CAPN14: variants seen among roughly 807,000 people sequenced by gnomAD.
CAPN14 encodes the protein calpain-14.
Under a neutral mutation model 101.3 loss-of-function variants are expected in CAPN14, and 94 were observed. The observed-to-expected ratio is 0.93, with a 90% CI of 0.79 to 1.10. The LOEUF is 1.10. CAPN14 is among the 50% of genes least tolerant of loss of function. CAPN14 has a pLI of 0.00. For missense variants in CAPN14, 837 were observed against 828.4 expected, an observed-to-expected ratio of 1.01 and a Z score of -0.13; for synonymous variants, 338 against 317.9, an observed-to-expected ratio of 1.06 and a Z score of -0.67.
Position 31,199,464 on chromosome 2 carries a change from A to G in CAPN14, c.789+6T>C. 1 of 1,551,314 alleles carries G rather than the reference A, an allele frequency of 6.4e-7. No individual in the cohort carries two copies. Among genetic ancestry groups the G allele is most frequent in the Non-Finnish European group, 8.7e-7 (1 of 1,146,754 alleles). On this transcript the variant is annotated splice_donor_region_variant and intron_variant, in intron 7 of 21. Transcript: ENST00000403897. ...GAGGGAAACCGAAGGGCCAACCTCAACCCACCTTCCTGATTCCTGTGAGAG... is the reference window on the plus strand; with the variant it reads ...GAGGGAAACCGAAGGGCCAACCTCAGCCCACCTTCCTGATTCCTGTGAGAG...
intron 1 of CAPN14, among the ~76,000 whole-genome samples, chr2:31,213,551 C>T (rs1021396909): frequency 6.6e-6 from 1 of 152,224 alleles, no homozygotes; most frequent in Admixed American, 6.5e-5. Context: ...ATTGCTGTTG[C>T]AGGGCTAGGC....
At chr2:31,219,049 C>T (rs1278816440), upstream of CAPN14, among the ~76,000 whole-genome samples, 8 of 152,086 alleles carry the variant, frequency 5.3e-5, no homozygotes, top group Admixed American at 5.2e-4. Context: ...TTCTATTCAT[C>T]ATCTTTTCAG....
chr2:31,192,155 G>A (rs748384538), intron 10 of CAPN14, 57 bp from the exon 11 acceptor site: 69 of 1,480,004 alleles, frequency 4.7e-5, no homozygotes, highest in Non-Finnish European at 6.1e-5. Context: ...CATCCTGCTT[G>A]CCGAACCACT....
chr2:31,216,739 C>T (rs1682661983), intron 1 of CAPN14, among the ~76,000 whole-genome samples: 1 of 152,136 alleles, frequency 6.6e-6, no homozygotes. Flanking sequence ...GAGCCGACTA[C>T]CTCGCTCTGG....
intron 16 of CAPN14, among the ~76,000 whole-genome samples, chr2:31,181,426 CT>C: frequency 6.9e-6 from 1 of 145,146 alleles, no homozygotes; most frequent in Non-Finnish European, 1.5e-5. Flanking sequence ...TTCTTTCTTT[CT>C]TTCTTTCTTT....
chr2:31,176,697 G>C (rs1191599919), intron 20 of CAPN14, 55 bp from the exon 21 acceptor site: 5 of 1,433,000 alleles, frequency 3.5e-6, no homozygotes, highest in South Asian at 2.5e-5. Context: ...GAAACATTAT[G>C]AATTAGTTCC....
chr2:31,233,559 G>C (rs2148713226), intron 1 of CAPN14, among the ~76,000 whole-genome samples: 1 of 152,288 alleles, frequency 6.6e-6, no homozygotes, highest in East Asian at 1.9e-4. Context: ...TGTATCCACA[G>C]TCACCAAAAT....
At chr2:31,213,067 T>C (rs1417943214) in intron 1 of CAPN14, among the ~76,000 whole-genome samples, 3 of 152,258 alleles carry the variant, frequency 2.0e-5, no homozygotes, top group Non-Finnish European at 4.4e-5. Flanking sequence ...AGGCTTTGCC[T>C]GATTTATCTT....
chr2:31,176,566 C>G (rs1680300263), intron 21 of CAPN14, 21 bp downstream of exon 21: 9 of 1,549,798 alleles, frequency 5.8e-6, no homozygotes, highest in South Asian at 1.2e-5. Context: ...ACATGAGCCA[C>G]CTCCTTGGGG....
Position 31,200,538 on chromosome 2 carries a change from G to T in CAPN14, c.639C>A (p.Asn213Lys), listed in dbSNP as rs373065748. The change falls in exon 6 of 22, where the codon AAC becomes AAA. Residue 213 changes from asparagine to lysine, a missense_variant. Coordinates refer to ENST00000403897, the MANE Select transcript of CAPN14 (RefSeq NM_001145122.2). ...AGAGGTTGCCATGGGCTTCTGCCAG[G>T]TTGATGGTCATTGTCACCCCTCCAG... ...DFTGGVTMTI[N>K]LAEAHGNLWD... 1.9e-6 allele frequency: 3 copies of T among 1,551,528 alleles called. No homozygotes were observed. The highest frequency in any genetic ancestry group is 2.6e-6 in the Non-Finnish European group (3 of 1,146,988).
intron 8 of CAPN14, 124 bp downstream of exon 8, chr2:31,197,125 G>C (rs371726226): frequency 3.1e-6 from 2 of 637,608 alleles, no homozygotes; most frequent in East Asian, 5.7e-5. Context: ...GAGCTTCCCC[G>C]TCTAAAGGCT....
At chr2:31,209,497 C>A (rs1444717747) in intron 1 of CAPN14, among the ~76,000 whole-genome samples, 1 of 152,154 alleles carries the variant, frequency 6.6e-6, no homozygotes, top group Non-Finnish European at 1.5e-5. Context: ...GGAGCATCAC[C>A]AGACAAGACA....
In CAPN14 at chr2:31,180,969, C is replaced by T. The variant is rs762451735; in HGVS notation, c.1677G>A (p.Leu559=). ...SLGSRQPFFS[L]EACQGILALL... is the part of the protein sequence containing the mutation. Reference sequence around the variant, plus strand: ...AGGCCAGGATCCCCTGGCAGGCTTCCAGGCTAAAGAAGGGCTGTCTGCTCC... The same window carrying T: ...AGGCCAGGATCCCCTGGCAGGCTTCTAGGCTAAAGAAGGGCTGTCTGCTCC... Residue 559 remains leucine, a synonymous_variant, in exon 17 of 22, where the codon CTG becomes CTA. Transcript: ENST00000403897. The T allele has an allele frequency of 4.5e-6, 7 of 1,551,728 alleles. No individual in the cohort carries two copies. Among genetic ancestry groups the T allele is most frequent in the Non-Finnish European group, 6.1e-6 (7 of 1,147,018 alleles).
At chr2:31,229,317 T>A (rs1044814828) in intron 1 of CAPN14, among the ~76,000 whole-genome samples, 2 of 152,218 alleles carry the variant, frequency 1.3e-5, no homozygotes, top group African/African-American at 4.8e-5. Context: ...GTGTTAAGTT[T>A]TTTAAAAATA....
rs1681223111 is a variant in CAPN14 at position 31,192,112 on chromosome 2, C to T, written c.1115-14G>A. On this transcript the variant is annotated splice_polypyrimidine_tract_variant and intron_variant, in intron 10 of 21. Transcript: ENST00000403897. ...TCCAAAATGTGTCTGGAGCAGAACA[C>T]AGCAAGGTGAGAATGGGCCCCGGAT... is the stretch of plus-strand genomic sequence containing the variant. 1.3e-6 allele frequency: 2 copies of T among 1,532,324 alleles called. No individual in the cohort carries two copies. The highest frequency in any genetic ancestry group is 1.4e-5 in the African/African-American group (1 of 72,482). 94.9% of individuals were successfully genotyped at this position (1,532,324 alleles called of 1,614,324 possible). A position where few individuals can be genotyped will look rare whatever the true frequency, so the allele number is the denominator to read the frequency against.
chr2:31,185,898 AT>A (rs938014342), intron 16 of CAPN14, among the ~76,000 whole-genome samples: 1 of 152,154 alleles, frequency 6.6e-6, no homozygotes, highest in Admixed American at 6.5e-5. Context: ...TGTATAAAAT[AT>A]TTTATATGGA....
chr2:31,175,150 C>G (rs1445122573), intron 21 of CAPN14, among the ~76,000 whole-genome samples: 1 of 152,164 alleles, frequency 6.6e-6, no homozygotes, highest in African/African-American at 2.4e-5. Context: ...CTCCCCAGGC[C>G]AATCCCTCAG....
At chr2:31,199,336 C>T (rs533268474) in intron 7 of CAPN14, 134 bp downstream of exon 7, 8 of 768,002 alleles carry the variant, frequency 1.0e-5, no homozygotes, top group African/African-American at 8.9e-5. Flanking sequence ...AAATAGATGC[C>T]GAGGCACAGG....
intron 21 of CAPN14, among the ~76,000 whole-genome samples, 163 bp downstream of exon 21, chr2:31,176,424 G>C (rs538347192): frequency 1.3e-5 from 2 of 152,212 alleles, no homozygotes; most frequent in Non-Finnish European, 2.9e-5. Flanking sequence ...TATTTGATGG[G>C]TGAATGAATG....
Sources: gnomAD v4.1 joint callset for allele counts (sites outside exome capture counted in the v4.1 genomes callset) on GRCh38, gnomAD v4.1.1 for gene constraint, MANE v1.5 for transcripts, NCBI Gene and HGNC (gene_info 2026-07-23, HGNC 2026-07-21) for gene names.